ARID5B: variants seen among roughly 807,000 people sequenced by gnomAD.
ARID5B encodes AT-rich interactive domain-containing protein 5B.
Under a neutral mutation model 97.2 loss-of-function variants are expected in ARID5B, and 13 were observed. The ratio of observed to expected loss-of-function variants is 0.13; its 90% CI spans 0.09 to 0.21. The LOEUF (loss-of-function observed/expected upper bound fraction) is 0.21. Ranked by LOEUF, ARID5B falls within the 10% of genes least tolerant of loss-of-function variation. The probability of loss-of-function intolerance (pLI) is 1.00; values close to 1 mark genes in which losing one functional copy is unlikely to be tolerated. For missense variants in ARID5B, 1,210 were observed against 1,465.3 expected (o/e 0.83, Z 2.84); for synonymous variants, 556 against 570.3 (o/e 0.97, Z 0.36).
intron 4 of ARID5B, among the ~76,000 whole-genome samples, chr10:62,031,897 C>T (rs1000293745): frequency 8.5e-5 from 13 of 152,102 alleles, no homozygotes; most frequent in Admixed American, 5.9e-4. Flanking sequence ...AAAAATCATG[C>T]GAGCTAAACA....
intron 3 of ARID5B, among the ~76,000 whole-genome samples, chr10:61,994,676 A>C (rs933547905): frequency 1.7e-4 from 26 of 152,194 alleles, no homozygotes; most frequent in African/African-American, 6.3e-4. Flanking sequence ...CTGTTTGAAA[A>C]GCTTGGGTGG....
intron 3 of ARID5B, among the ~76,000 whole-genome samples, chr10:61,966,555 G>A (rs904502987): frequency 6.6e-6 from 1 of 151,714 alleles, no homozygotes; most frequent in Non-Finnish European, 1.5e-5. Context: ...CTGAATTTTA[G>A]AAAATTCTTT....
At chr10:62,069,372 T>A (rs1440562009) in intron 7 of ARID5B, among the ~76,000 whole-genome samples, 1 of 152,256 alleles carries the variant, frequency 6.6e-6, no homozygotes, top group Non-Finnish European at 1.5e-5. Context: ...TTTATTTTGA[T>A]GCTTTATCAA....
intron 4 of ARID5B, among the ~76,000 whole-genome samples, chr10:62,044,202 C>G (rs2132921968): frequency 6.6e-6 from 1 of 152,196 alleles, no homozygotes; most frequent in Non-Finnish European, 1.5e-5. Flanking sequence ...CACTTGGAAA[C>G]TCAAAGTCCA....
intron 3 of ARID5B, among the ~76,000 whole-genome samples, chr10:61,993,035 G>A (rs534715485): frequency 1.0e-3 from 155 of 151,694 alleles, no homozygotes; most frequent in South Asian, 2.3e-3. Context: ...TTTTAATCAG[G>A]CATTTAATTT....
intron 3 of ARID5B, among the ~76,000 whole-genome samples, chr10:61,965,810 T>C (rs1368398642): frequency 2.0e-5 from 3 of 152,170 alleles, no homozygotes; most frequent in Non-Finnish European, 4.4e-5. Context: ...TAAAATTAGA[T>C]TTGAGGCCAT....
intron 4 of ARID5B, among the ~76,000 whole-genome samples, chr10:62,004,773 A>C (rs758269418): frequency 6.6e-6 from 1 of 152,246 alleles, no homozygotes; most frequent in African/African-American, 2.4e-5. Flanking sequence ...GTTTACATTA[A>C]TATCACACAG....
At chr10:62,065,600 C>T (rs1352986765) in intron 7 of ARID5B, among the ~76,000 whole-genome samples, 2 of 152,086 alleles carry the variant, frequency 1.3e-5, no homozygotes, top group Non-Finnish European at 2.9e-5. Context: ...AATCCCAGCA[C>T]TTTGGGAGGC....
intron 2 of ARID5B, among the ~76,000 whole-genome samples, chr10:61,927,159 C>G (rs1489785318): frequency 6.6e-6 from 1 of 152,144 alleles, no homozygotes; most frequent in Non-Finnish European, 1.5e-5. Flanking sequence ...GCCCTCCCTT[C>G]ATTTTCTGCT....
chr10:62,083,027 A>G (rs908122816), intron 8 of ARID5B, among the ~76,000 whole-genome samples: 10 of 151,660 alleles, frequency 6.6e-5, no homozygotes, highest in South Asian at 6.3e-4. Context: ...GAAGGGGGGG[A>G]AAAAACACTC....
At chr10:62,008,480 G>A (rs991007853) in intron 4 of ARID5B, among the ~76,000 whole-genome samples, 4 of 152,232 alleles carry the variant, frequency 2.6e-5, no homozygotes, top group African/African-American at 9.6e-5. Context: ...ATGTACAGTA[G>A]ATTTTGTAGG....
intron 3 of ARID5B, among the ~76,000 whole-genome samples, chr10:61,996,713 A>T (rs1459491939): frequency 2.0e-5 from 3 of 152,064 alleles, no homozygotes; most frequent in African/African-American, 7.2e-5. Flanking sequence ...TAAATGGGGA[A>T]ACAGTCTCTC....
chr10:61,946,633 C>T (rs902250900), intron 3 of ARID5B, among the ~76,000 whole-genome samples: 1 of 152,070 alleles, frequency 6.6e-6, no homozygotes, highest in East Asian at 1.9e-4. Context: ...CTAACTAAAA[C>T]GAATTTGGGC....
In ARID5B at chr10:62,000,446, C is replaced by A; in HGVS notation, c.733+125C>A. Reference sequence around the variant, plus strand: ...CACAAGCCCCATGTGCTGCCCCACCCCTCCCATCCCCCAAATTATTGCGGC... The same window carrying A: ...CACAAGCCCCATGTGCTGCCCCACCACTCCCATCCCCCAAATTATTGCGGC... On this transcript the variant is annotated intron_variant, in intron 4 of 9. Coordinates refer to ENST00000279873, the MANE Select transcript of ARID5B (RefSeq NM_032199.3). The surrounding 1 kb of genome is among the most constrained non-coding windows in gnomAD (Gnocchi z 4.4). 1.2e-6 allele frequency: 1 copy of A among 813,940 alleles called. No individual in the cohort carries two copies. Among genetic ancestry groups the A allele is most frequent in the Non-Finnish European group, 1.9e-6 (1 of 527,384 alleles). The allele number at this position is 813,940 out of a possible 1,614,324, so 50.4% of individuals were successfully genotyped here. A position where few individuals can be genotyped will look rare whatever the true frequency, so the allele number is the denominator to read the frequency against.
Position 62,092,031 on chromosome 10 carries a change from C to T in ARID5B, c.2568C>T (p.Tyr856=). ...HHLHNEQTSK[Y]PSRDMYRESE... ...TTCATAATGAACAGACATCCAAATA[C>T]CCTTCCAGGGACATGTACAGGGAAT... Residue 856 remains tyrosine, a synonymous_variant, in exon 10 of 10, where the codon TAC becomes TAT. Coordinates refer to ENST00000279873, the MANE Select transcript of ARID5B (RefSeq NM_032199.3). 2 of 1,614,170 alleles carry T rather than the reference C, an allele frequency of 1.2e-6. No individual in the cohort carries two copies. Among genetic ancestry groups the T allele is most frequent in the Non-Finnish European group, 8.5e-7 (1 of 1,180,038 alleles).
chr10:61,923,874 A>T (rs947093123), intron 2 of ARID5B, among the ~76,000 whole-genome samples: 1 of 152,228 alleles, frequency 6.6e-6, no homozygotes, highest in African/African-American at 2.4e-5. Context: ...CAGAGCAGAG[A>T]GTCAATACAA....
chr10:61,949,671 G>A (rs116968305), intron 3 of ARID5B, among the ~76,000 whole-genome samples: 2,870 of 152,146 alleles, frequency 0.019, 54 homozygotes, highest in Non-Finnish European at 0.029. Context: ...AAAAAAGACC[G>A]TGATGGATAA....
At chr10:62,086,136 C>CTA (rs1371311265) in intron 9 of ARID5B, among the ~76,000 whole-genome samples, 1 of 152,132 alleles carries the variant, frequency 6.6e-6, no homozygotes, top group Non-Finnish European at 1.5e-5. Flanking sequence ...GGAATAGAAT[C>CTA]TAGAAAGATA....
At chr10:62,075,524 C>T in intron 8 of ARID5B, among the ~76,000 whole-genome samples, 1 of 152,206 alleles carries the variant, frequency 6.6e-6, no homozygotes, top group Non-Finnish European at 1.5e-5. Flanking sequence ...AGCAAAACAC[C>T]CTCTGTGGCT....
Sources: allele counts gnomAD v4.1 joint callset (sites outside exome capture counted in the v4.1 genomes callset), GRCh38; gene constraint gnomAD v4.1.1; non-coding constraint Gnocchi (gnomAD v3.1); transcripts MANE v1.5; gene names NCBI Gene and HGNC (gene_info 2026-07-23, HGNC 2026-07-21).